Variants in ATP8B4 observed in about 807,000 individuals in gnomAD.
ATP8B4 encodes the protein probable phospholipid-transporting ATPase IM.
Under a neutral mutation model 145.6 loss-of-function variants are expected in ATP8B4, and 133 were observed. That is an observed-to-expected ratio of 0.91 (90% CI 0.79 to 1.05). The LOEUF (loss-of-function observed/expected upper bound fraction) is 1.05. Ranked by LOEUF, ATP8B4 falls within the 50% of genes least tolerant of loss-of-function variation. The pLI, the probability that ATP8B4 is intolerant of heterozygous loss-of-function variation, is 0.00. For missense variants in ATP8B4, 1,458 were observed against 1,425.2 expected (o/e 1.02, Z -0.37); for synonymous variants, 507 against 492.9 (o/e 1.03, Z -0.38).
chr15:50,076,577 T>A (rs571215337), intron 2 of ATP8B4, among the ~76,000 whole-genome samples: 1 of 152,214 alleles, frequency 6.6e-6, no homozygotes, highest in East Asian at 1.9e-4. Flanking sequence ...GACTAGCCCA[T>A]TCCCAAAGCA....
In ATP8B4 at chr15:49,897,476, A is replaced by G. The variant is rs1324884084; in HGVS notation, c.2513T>C (p.Leu838Ser). The change falls in exon 23 of 28, where the codon TTG becomes TCG. Residue 838 changes from leucine (L) to serine (S), a missense_variant. Leu to Ser is a moderately radical substitution (Grantham distance 145, BLOSUM62 -2). Transcript: ENST00000284509. ...ATAGTCGCTGGCTAAGACTGCTTGC[A>G]ATCCTTCCTGGCCGCTGATGCCAAC... The part of the protein sequence containing the change: ...IGVGISGQEG[L>S]QAVLASDYSF... The G allele has an allele frequency of 6.3e-7, 1 of 1,585,516 alleles. No individual in the cohort carries two copies. The highest frequency in any genetic ancestry group is 1.2e-5 in the South Asian group (1 of 86,042).
chr15:50,104,762 A>G (rs1464845912), intron 2 of ATP8B4, among the ~76,000 whole-genome samples: 1 of 152,090 alleles, frequency 6.6e-6, no homozygotes, highest in Non-Finnish European at 1.5e-5. Flanking sequence ...TACAAAAAAG[A>G]TACTTGCACA....
chr15:49,950,237 C>T (rs747585631), intron 14 of ATP8B4, among the ~76,000 whole-genome samples: 1 of 152,058 alleles, frequency 6.6e-6, no homozygotes, highest in Non-Finnish European at 1.5e-5. Flanking sequence ...AGGAATGGTA[C>T]CAGCTCCTCC....
chr15:49,915,949 A>G (rs973330465), intron 20 of ATP8B4, among the ~76,000 whole-genome samples: 2 of 151,916 alleles, frequency 1.3e-5, no homozygotes, highest in African/African-American at 4.8e-5. Flanking sequence ...GTTCAGGAAG[A>G]ATAGTTTAAT....
chr15:49,944,883 T>A lies in ATP8B4; in HGVS notation c.1288-10701A>T, dbSNP rs12595396. On this transcript the variant is annotated intron_variant, in intron 14 of 27. Transcript: ENST00000284509. ...AATATATTTTCTGACCACAATGTGA[T>A]GAAACTAGAAATCAATAGCAAAAGG... is the stretch of plus-strand genomic sequence containing the variant. Among the ~76,000 whole-genome samples, 1,254 of 152,194 alleles carry A rather than the reference T, an allele frequency of 8.2e-3. 37 individuals are homozygous for A. The East Asian group carries it at 0.1, about 12-fold the overall frequency.
intron 10 of ATP8B4, among the ~76,000 whole-genome samples, chr15:49,984,113 C>T (rs1411302334): frequency 1.3e-5 from 2 of 152,134 alleles, no homozygotes; most frequent in African/African-American, 2.4e-5. Flanking sequence ...TCAGCTAATG[C>T]TTACAACAAA....
At chr15:49,985,870 AT>A (rs1038304019) in intron 10 of ATP8B4, among the ~76,000 whole-genome samples, 1 of 152,180 alleles carries the variant, frequency 6.6e-6, no homozygotes, top group African/African-American at 2.4e-5. Context: ...ACTCATTATT[AT>A]CCCCATGTTA....
chr15:49,861,170 T>C (rs893838382), intron 27 of ATP8B4, among the ~76,000 whole-genome samples: 3 of 152,152 alleles, frequency 2.0e-5, no homozygotes, highest in Non-Finnish European at 4.4e-5. Context: ...ACTTGGATCC[T>C]GACTTTTGTG....
At chr15:49,985,583 C>T (rs1254333917) in intron 10 of ATP8B4, among the ~76,000 whole-genome samples, 1 of 152,212 alleles carries the variant, frequency 6.6e-6, no homozygotes, top group African/African-American at 2.4e-5. Context: ...AAAGTCAATG[C>T]AGGCATGCTC....
chr15:50,080,087 T>C (rs946719279), intron 2 of ATP8B4, among the ~76,000 whole-genome samples: 16 of 152,130 alleles, frequency 1.1e-4, no homozygotes, highest in African/African-American at 2.9e-4. Context: ...CTCCAGAATA[T>C]AGAAAAATAG....
At position 49,979,711 on chromosome 15, in the gene ATP8B4, C is replaced by T. The variant is rs143299187; in HGVS notation, c.940G>A (p.Glu314Lys). ...GAGAACACAGAGCTCTTCTCTCCTT[C>T]ATTCCAAAAGAGGAAAGTTCTGAAT... ...DQFRTFLFWN[E>K]GEKSSVFSGF... Residue 314 changes from glutamate to lysine, a missense_variant, in exon 12 of 28, where the codon GAA (glutamate) becomes AAA (lysine). Physicochemically the swap from Glu to Lys is moderately conservative, Grantham distance 56. Coordinates refer to ENST00000284509, the MANE Select transcript of ATP8B4 (RefSeq NM_024837.4). 3.7e-6 allele frequency: 6 copies of T among 1,610,022 alleles called. No homozygotes were observed. The African/African-American group carries it at 8.0e-5, about 22-fold the overall frequency.
At chr15:49,871,758 C>A (rs886240671) in intron 25 of ATP8B4, among the ~76,000 whole-genome samples, 6 of 152,178 alleles carry the variant, frequency 3.9e-5, no homozygotes, top group Non-Finnish European at 7.3e-5. Context: ...ACACTGGAAG[C>A]CTCTACTCAT....
chr15:50,050,050 T>G (rs918561905), intron 3 of ATP8B4, among the ~76,000 whole-genome samples: 3 of 152,232 alleles, frequency 2.0e-5, no homozygotes, highest in Non-Finnish European at 4.4e-5. Context: ...AACCTTCAAA[T>G]ACTTGAGAAC....
chr15:49,965,612 T>A (rs2044461918), intron 13 of ATP8B4, among the ~76,000 whole-genome samples: 1 of 152,212 alleles, frequency 6.6e-6, no homozygotes, highest in Admixed American at 6.5e-5. Flanking sequence ...GAAGTGGGTA[T>A]TAATGAAACA....
chr15:50,107,795 A>G (rs1303078786), intron 1 of ATP8B4, among the ~76,000 whole-genome samples: 1 of 152,074 alleles, frequency 6.6e-6, no homozygotes, highest in African/African-American at 2.4e-5. Context: ...ACACATAAAG[A>G]AGAAGTTGGT....
chr15:50,068,227 G>A (rs2053508815), intron 3 of ATP8B4, among the ~76,000 whole-genome samples: 2 of 152,200 alleles, frequency 1.3e-5, no homozygotes, highest in Admixed American at 1.3e-4. Flanking sequence ...TAAATGGGCG[G>A]GAGGGAAATA....
chr15:50,056,116 C>T (rs1229614585), intron 3 of ATP8B4, among the ~76,000 whole-genome samples: 1 of 152,184 alleles, frequency 6.6e-6, no homozygotes, highest in Non-Finnish European at 1.5e-5. Flanking sequence ...CCACCACCAC[C>T]ATCATCTTAA....
chr15:49,881,824 A>AG (rs368221465), intron 23 of ATP8B4, among the ~76,000 whole-genome samples: 244 of 152,348 alleles, frequency 1.6e-3, no homozygotes, highest in African/African-American at 5.7e-3. Flanking sequence ...AAAAAAGTTG[A>AG]GAAAAAAACA....
rs539683249 is a variant in ATP8B4, at chr15:50,011,652, A to G, written c.363-735T>C. On this transcript the variant is annotated intron_variant, in intron 6 of 27. Transcript: ENST00000284509. Reference sequence around the variant, plus strand: ...TGTCCATTGAATTTGGCCCCTGATGACAAGTTAGTCAGGGCTGTCCAAAAC... The same window carrying G: ...TGTCCATTGAATTTGGCCCCTGATGGCAAGTTAGTCAGGGCTGTCCAAAAC... Among the ~76,000 whole-genome samples, 3 of 152,318 alleles carry G rather than the reference A, an allele frequency of 2.0e-5. No homozygotes were observed. The South Asian group carries it at 6.2e-4, about 32-fold the overall frequency.
Sources: gnomAD v4.1 joint callset for allele counts (sites outside exome capture counted in the v4.1 genomes callset) on GRCh38, gnomAD v4.1.1 for gene constraint, MANE v1.5 for transcripts, NCBI Gene and HGNC (gene_info 2026-07-23, HGNC 2026-07-21) for gene names.